The following PDE3A variants were observed in gnomAD, a reference collection of about 807,000 sequenced individuals.
PDE3A encodes the protein phosphodiesterase 3A, also known as cGMP-inhibited 3',5'-cyclic phosphodiesterase 3A.
Under a neutral mutation model 98.3 loss-of-function variants are expected in PDE3A, and 43 were observed. That is an observed-to-expected ratio of 0.44 (90% CI 0.34 to 0.56). The LOEUF is 0.56. Among genes scored for constraint, PDE3A ranks in the 20% least tolerant of loss-of-function variants. The pLI, the probability that PDE3A is intolerant of heterozygous loss-of-function variation, is 0.01. For synonymous variants in PDE3A, 663 were observed against 567.9 expected (o/e 1.17, Z -2.38); for missense variants, 1,427 against 1,440.7 (o/e 0.99, Z 0.15).
chr12:20,586,913 AT>A (rs61398487), intron 2 of PDE3A, among the ~76,000 whole-genome samples: 83,848 of 151,748 alleles, frequency 0.55, 23,255 homozygotes, highest in Admixed American at 0.63. Context: ...TCAGATATGT[AT>A]TTTTTTTACC....
intron 1 of PDE3A, among the ~76,000 whole-genome samples, chr12:20,493,895 G>T (rs532025911): frequency 6.6e-6 from 1 of 152,336 alleles, no homozygotes; most frequent in African/African-American, 2.4e-5. Context: ...CTCCCAAAGT[G>T]TTGGGATTAC....
chr12:20,532,676 A>C (rs1941635123), intron 1 of PDE3A, among the ~76,000 whole-genome samples: 1 of 138,408 alleles, frequency 7.2e-6, no homozygotes, highest in Non-Finnish European at 1.5e-5. Flanking sequence ...TTTGTGTATT[A>C]GTTTCTCTCT....
chr12:20,462,726 C>A (rs749369611), intron 1 of PDE3A, among the ~76,000 whole-genome samples: 23 of 151,994 alleles, frequency 1.5e-4, no homozygotes, highest in Admixed American at 7.2e-4. Context: ...AGCTTTCATG[C>A]AATTTGGTAT....
intron 2 of PDE3A, among the ~76,000 whole-genome samples, chr12:20,595,385 T>A (rs763198694): frequency 6.6e-6 from 1 of 152,090 alleles, no homozygotes; most frequent in Non-Finnish European, 1.5e-5. Flanking sequence ...GGCTTTGGAG[T>A]TGAAATTATC....
At chr12:20,551,831 T>C (rs1942211078) in intron 1 of PDE3A, 2 of 1,613,800 alleles carry the variant, frequency 1.2e-6, no homozygotes, top group African/African-American at 2.7e-5. Flanking sequence ...GACAAGGGCA[T>C]GGCCTGTGTG....
At chr12:20,411,280 C>A (rs1242298581) in intron 1 of PDE3A, among the ~76,000 whole-genome samples, 1 of 152,060 alleles carries the variant, frequency 6.6e-6, no homozygotes, top group Non-Finnish European at 1.5e-5. Context: ...AACACTGTAC[C>A]CACTAAGAAA....
At chr12:20,465,766 T>G (rs1945331957) in intron 1 of PDE3A, among the ~76,000 whole-genome samples, 1 of 152,140 alleles carries the variant, frequency 6.6e-6, no homozygotes, top group African/African-American at 2.4e-5. Flanking sequence ...ATAGGAAATA[T>G]AAAAGTTGAA....
intron 3 of PDE3A, among the ~76,000 whole-genome samples, chr12:20,615,129 C>T (rs568170337): frequency 3.4e-5 from 5 of 147,736 alleles, no homozygotes; most frequent in South Asian, 2.1e-4. Context: ...TCAAACTCCT[C>T]GTGACCTCAA....
chr12:20,541,823 AG>A (rs1376255961), intron 1 of PDE3A, among the ~76,000 whole-genome samples: 2 of 152,114 alleles, frequency 1.3e-5, no homozygotes, highest in Admixed American at 1.3e-4. Context: ...TTGAGGGGGA[AG>A]GTCAAATTTA....
At chr12:20,413,029 G>T (rs1195944241) in intron 1 of PDE3A, among the ~76,000 whole-genome samples, 4 of 152,182 alleles carry the variant, frequency 2.6e-5, no homozygotes, top group African/African-American at 9.6e-5. Flanking sequence ...TACATACTGT[G>T]CTAGGAATAA....
intron 4 of PDE3A, among the ~76,000 whole-genome samples, chr12:20,618,615 C>G (rs1944064166): frequency 6.6e-6 from 1 of 152,012 alleles, no homozygotes; most frequent in South Asian, 2.1e-4. Context: ...AGAGGCAAGT[C>G]ATTAGCCTGC....
At chr12:20,395,605 A>AGT (rs1944002524) in intron 1 of PDE3A, among the ~76,000 whole-genome samples, 1 of 147,362 alleles carries the variant, frequency 6.8e-6, no homozygotes, top group Non-Finnish European at 1.5e-5. Context: ...GTATACACAT[A>AGT]GTATATATAT....
At chr12:20,575,927 A>G (rs144571554) in intron 2 of PDE3A, among the ~76,000 whole-genome samples, 2 of 152,020 alleles carry the variant, frequency 1.3e-5, no homozygotes, top group African/African-American at 4.8e-5. Context: ...AATTTGGTCA[A>G]TATTTGTATA....
At chr12:20,647,087 G>A (rs553619104) in intron 12 of PDE3A, 137 bp downstream of exon 12, 29 of 614,220 alleles carry the variant, frequency 4.7e-5, no homozygotes, top group Non-Finnish European at 7.2e-5. Flanking sequence ...CTCAGAGACC[G>A]TGCTAATTCT....
intron 1 of PDE3A, among the ~76,000 whole-genome samples, chr12:20,488,469 G>A (rs1239622817): frequency 6.6e-6 from 1 of 152,076 alleles, no homozygotes; most frequent in Non-Finnish European, 1.5e-5. Flanking sequence ...TGGTTTTCAT[G>A]AGACAAATAT....
chr12:20,376,736 G>GTAATTTT (rs373658062), intron 1 of PDE3A, among the ~76,000 whole-genome samples: 201 of 151,876 alleles, frequency 1.3e-3, no homozygotes, highest in African/African-American at 4.6e-3. Context: ...AAAACAGCTG[G>GTAATTTT]TAATTTTTTT....
intron 1 of PDE3A, among the ~76,000 whole-genome samples, chr12:20,550,015 C>T (rs775914116): frequency 1.3e-5 from 2 of 152,204 alleles, no homozygotes; most frequent in African/African-American, 4.8e-5. Flanking sequence ...TGACTAAAAT[C>T]GTCATCGTTA....
chr12:20,523,008 G>C (rs1339865197), intron 1 of PDE3A, among the ~76,000 whole-genome samples: 1 of 151,968 alleles, frequency 6.6e-6, no homozygotes, highest in Non-Finnish European at 1.5e-5. Context: ...GATCACCAAG[G>C]GAATGAATGC....
At chr12:20,586,599 CTTTG>C (rs1028803365) in intron 2 of PDE3A, among the ~76,000 whole-genome samples, 1 of 152,160 alleles carries the variant, frequency 6.6e-6, no homozygotes, top group African/African-American at 2.4e-5. Context: ...TCTACTAAAA[CTTTG>C]TTTAACTTGA....
Sources: allele counts gnomAD v4.1 joint callset (sites outside exome capture counted in the v4.1 genomes callset), GRCh38; gene constraint gnomAD v4.1.1; transcripts MANE v1.5; gene names NCBI Gene and HGNC (gene_info 2026-07-23, HGNC 2026-07-21).